Variants in GTF2A1 observed in about 807,000 individuals in gnomAD.
GTF2A1 encodes the protein transcription initiation factor IIA subunit 1.
GTF2A1 carries 12 observed loss-of-function variants against 54.1 expected under a neutral mutation model. That is an observed-to-expected ratio of 0.22 (90% CI 0.14 to 0.36). The LOEUF is 0.36. Among genes scored for constraint, GTF2A1 ranks in the 10% least tolerant of loss-of-function variants. GTF2A1 has a pLI of 1.00. For synonymous variants in GTF2A1, 145 were observed against 152.0 expected, an observed-to-expected ratio of 0.95 and a Z score of 0.34; for missense variants, 335 against 442.2, an observed-to-expected ratio of 0.76 and a Z score of 2.17.
rs75226412 is a variant in GTF2A1 at position 81,196,671 on chromosome 14, T to C, written c.479-430A>G. 9.8e-4 allele frequency among the ~76,000 whole-genome samples: 150 copies of C among 152,288 alleles called. 3 individuals carry two copies. In the East Asian group the frequency reaches 0.024, roughly 25 times the overall value. On this transcript the variant is annotated intron_variant, in intron 5 of 8. Coordinates refer to ENST00000553612, the MANE Select transcript of GTF2A1 (RefSeq NM_015859.4). Reference sequence around the variant, plus strand: ...GAACCAAACAAAGCACCAAAGAACTTTGCTTCAAAATTGGTAAAAGCAATA... The same window carrying C: ...GAACCAAACAAAGCACCAAAGAACTCTGCTTCAAAATTGGTAAAAGCAATA...
chr14:81,178,284 A>G lies in GTF2A1; in HGVS notation c.*1939T>C, dbSNP rs2140142421. 6.6e-6 allele frequency: 1 copy of G among 152,248 alleles called. No individual in the cohort carries two copies. Among genetic ancestry groups the G allele is most frequent in the South Asian group, 2.1e-4 (1 of 4,830 alleles). 9.4% of individuals were successfully genotyped at this position (152,248 alleles called of 1,614,324 possible). ...CAGGTCACTGACTTCCTTACTGAGT[A>G]AATACAAACCTACTAGCAACTATAT... is the stretch of plus-strand genomic sequence containing the variant. On this transcript the variant is annotated 3_prime_UTR_variant, in exon 9 of 9. Coordinates refer to ENST00000553612, the MANE Select transcript of GTF2A1 (RefSeq NM_015859.4).
chr14:81,220,696 G>A lies in GTF2A1; in HGVS notation c.-178C>T, dbSNP rs557504996. The A allele has an allele frequency of 7.5e-6, 3 of 401,298 alleles. No homozygotes were observed. The highest frequency in any genetic ancestry group is 7.7e-5 in the South Asian group (1 of 13,018). The allele number at this position is 401,298 out of a possible 1,614,324, so 24.9% of individuals were successfully genotyped here. A position where few individuals can be genotyped will look rare whatever the true frequency, so the allele number is the denominator to read the frequency against. ...GGGAGAGCGGAGAGAGGAGGAGGAG[G>A]GGGGCACTCCTCCCGCAGCTGAAAA... On this transcript the variant is annotated 5_prime_UTR_variant, in exon 1 of 9. Coordinates refer to ENST00000553612, the MANE Select transcript of GTF2A1 (RefSeq NM_015859.4).
chr14:81,211,906 T>A (rs1053335034), intron 2 of GTF2A1, among the ~76,000 whole-genome samples: 6 of 140,806 alleles, frequency 4.3e-5, no homozygotes, highest in African/African-American at 1.6e-4. Context: ...TATATATATA[T>A]ATAACTAGAG....
At chr14:81,209,864 A>G in intron 2 of GTF2A1, 1 of 1,209,944 alleles carries the variant, frequency 8.3e-7, no homozygotes, top group Non-Finnish European at 1.1e-6. Context: ...TCTATTTTGT[A>G]CTTACCACAC....
intron 1 of GTF2A1, among the ~76,000 whole-genome samples, chr14:81,216,789 CTAATG>C (rs1317036641): frequency 6.6e-6 from 1 of 152,102 alleles, no homozygotes; most frequent in Non-Finnish European, 1.5e-5. Context: ...GTCAAAATAC[CTAATG>C]TAATGTTCAA....
Position 81,185,533 on chromosome 14 carries a change from TATC to T in GTF2A1, c.1018_1020del (p.Asp340del). On this transcript the variant is annotated inframe_deletion, in exon 8 of 9. Coordinates refer to ENST00000553612, the MANE Select transcript of GTF2A1 (RefSeq NM_015859.4). ...TAATCTGAAGATGACATCCTTACCT[TATC>T]ATATTGGCATACAACAACATTTTCT... 6.7e-7 allele frequency: 1 copy of T among 1,492,370 alleles called. No individual in the cohort carries two copies. Among genetic ancestry groups the T allele is most frequent in the Non-Finnish European group, 9.4e-7 (1 of 1,069,356 alleles). 92.4% of individuals were successfully genotyped at this position (1,492,370 alleles called of 1,614,324 possible).
At chr14:81,197,751 G>A (rs1893021191) in intron 4 of GTF2A1, among the ~76,000 whole-genome samples, 1 of 152,178 alleles carries the variant, frequency 6.6e-6, no homozygotes, top group Admixed American at 6.5e-5. Flanking sequence ...CACAGGTACT[G>A]CAGTTTTTTT....
At chr14:81,220,206 C>A (rs1409015116) in intron 1 of GTF2A1, among the ~76,000 whole-genome samples, 2 of 145,880 alleles carry the variant, frequency 1.4e-5, no homozygotes, top group African/African-American at 4.9e-5. Context: ...GGGCTGCGCG[C>A]CCGACCGGGC....
intron 1 of GTF2A1, among the ~76,000 whole-genome samples, chr14:81,217,074 A>T (rs950237720): frequency 6.6e-6 from 1 of 152,238 alleles, no homozygotes; most frequent in Non-Finnish European, 1.5e-5. Context: ...CCCAAGGAAC[A>T]AGGTATACTG....
In GTF2A1 at chr14:81,202,678, T is replaced by G. The variant is rs776267609; in HGVS notation, c.338-1020A>C. On this transcript the variant is annotated intron_variant, in intron 3 of 8. Coordinates refer to ENST00000553612, the MANE Select transcript of GTF2A1 (RefSeq NM_015859.4). The stretch of plus-strand genomic sequence containing the variant: ...AATCAGAAATAATGGCAATGTTACT[T>G]AAGCGTAAAAGGAATTACATGTTTG... 5.8e-5 allele frequency: 30 copies of G among 517,476 alleles called. No homozygotes were observed. In the East Asian group the frequency reaches 1.5e-3, roughly 26 times the overall value. 32.1% of individuals were successfully genotyped at this position (517,476 alleles called of 1,614,324 possible).
In GTF2A1 at chr14:81,216,477, T is replaced by C. The variant is rs1326970667; in HGVS notation, c.68A>G (p.Asn23Ser). The C allele has an allele frequency of 6.5e-7, 1 of 1,538,340 alleles. No individual in the cohort carries two copies. The highest frequency in any genetic ancestry group is 9.0e-7 in the Non-Finnish European group (1 of 1,111,250). The change falls in exon 2 of 9, where the codon AAT becomes AGT. Residue 23 changes from asparagine to serine, a missense_variant. Around this residue, in one of 2 missense-constraint regions of GTF2A1, gnomAD observed 306 missense variants for 360.4 expected, o/e 0.85. Transcript: ENST00000553612. ...ATCCAGAAAGATGTCTCTCACATCA[T>C]TAATGACATCTTCAATCACAGATCT... Reference protein sequence around the residue: ...LYRSVIEDVINDVRDIFLDDG... With the variant: ...LYRSVIEDVISDVRDIFLDDG...
chr14:81,177,543 T>G lies in GTF2A1; in HGVS notation c.*2680A>C, dbSNP rs1892554439. The G allele has an allele frequency of 6.6e-6, 1 of 152,264 alleles. No individual in the cohort carries two copies. The highest frequency in any genetic ancestry group is 1.5e-5 in the Non-Finnish European group (1 of 67,956). The allele number at this position is 152,264 out of a possible 1,614,324, so 9.4% of individuals were successfully genotyped here. On this transcript the variant is annotated 3_prime_UTR_variant, in exon 9 of 9. Coordinates refer to ENST00000553612, the MANE Select transcript of GTF2A1 (RefSeq NM_015859.4). The stretch of plus-strand genomic sequence containing the variant: ...TTTCCTTAGCACTGTTGATTAATGT[T>G]AATTTAAGTAAAAGGTGCCATCGCC...
intron 7 of GTF2A1, 25 bp downstream of exon 7, chr14:81,192,489 ATTATT>A: frequency 6.5e-7 from 1 of 1,530,530 alleles, no homozygotes; most frequent in Non-Finnish European, 8.9e-7. Context: ...AATCAAGTAG[ATTATT>A]TTAAGTATGT....
At chr14:81,199,347 A>T (rs1303186206) in intron 4 of GTF2A1, among the ~76,000 whole-genome samples, 1 of 152,172 alleles carries the variant, frequency 6.6e-6, no homozygotes, top group Non-Finnish European at 1.5e-5. Context: ...TTCTTCTTGT[A>T]TTCCACAAAA....
chr14:81,208,341 C>T (rs1893287507), intron 2 of GTF2A1, among the ~76,000 whole-genome samples: 1 of 152,202 alleles, frequency 6.6e-6, no homozygotes, highest in Non-Finnish European at 1.5e-5. Context: ...GTTGAGCCTG[C>T]AGGTGCACAG....
In GTF2A1 at chr14:81,220,478, C is replaced by T; in HGVS notation, c.30+11G>A. 1 of 1,566,302 alleles carries T rather than the reference C, an allele frequency of 6.4e-7. No individual in the cohort carries two copies. The highest frequency in any genetic ancestry group is 8.7e-7 in the Non-Finnish European group (1 of 1,154,936). ...ACGAAGCCCCCGCCGGCCACCGAAC[C>T]ACGTCCTTACCACGGTGTTTGTATT... On this transcript the variant is annotated intron_variant, in intron 1 of 8. Transcript: ENST00000553612.
rs1232592639 is a variant in GTF2A1 at position 81,220,587 on chromosome 14, A to C, written c.-69T>G. ...AAGATAAAAACAAAACCAAAAAAAA[A>C]AAAACTATAACACCCGGAGGGTGAC... On this transcript the variant is annotated 5_prime_UTR_variant, in exon 1 of 9. Transcript: ENST00000553612. The C allele has an allele frequency of 1.5e-6, 2 of 1,290,962 alleles. No individual in the cohort carries two copies. The highest frequency in any genetic ancestry group is 2.1e-6 in the Non-Finnish European group (2 of 954,504). 80.0% of individuals were successfully genotyped at this position (1,290,962 alleles called of 1,614,324 possible).
chr14:81,180,334 A>G lies in GTF2A1; in HGVS notation c.1024-4T>C. 1 of 1,145,102 alleles carries G rather than the reference A, an allele frequency of 8.7e-7. No individual in the cohort carries two copies. Among genetic ancestry groups the G allele is most frequent in the Non-Finnish European group, 1.3e-6 (1 of 768,768 alleles). 70.9% of individuals were successfully genotyped at this position (1,145,102 alleles called of 1,614,324 possible). A position where few individuals can be genotyped will look rare whatever the true frequency, so the allele number is the denominator to read the frequency against. The stretch of plus-strand genomic sequence containing the variant: ...ATTTGTTTTTACTTCTGTGTATCTA[A>G]ACAAAAACAACATTTTAAAAATTGA... On this transcript the variant is annotated splice_region_variant and splice_polypyrimidine_tract_variant and intron_variant, in intron 8 of 8. Coordinates refer to ENST00000553612, the MANE Select transcript of GTF2A1 (RefSeq NM_015859.4).
In GTF2A1 at chr14:81,196,102, T is replaced by C. The variant is rs374694681; in HGVS notation, c.612+6A>G. ...CCATACTGATCATAATAGAAGATTA[T>C]TTTACCTGCTGTATAACAGGAGCTT... On this transcript the variant is annotated splice_donor_region_variant and intron_variant, in intron 6 of 8. Transcript: ENST00000553612. 2.0e-5 allele frequency: 32 copies of C among 1,612,846 alleles called. No individual in the cohort carries two copies. The African/African-American group carries it at 4.3e-4, about 22-fold the overall frequency.
Sources: gnomAD v4.1 joint callset for allele counts (sites outside exome capture counted in the v4.1 genomes callset) on GRCh38, gnomAD v4.1.1 for gene constraint, gnomAD v4.1.1 regional missense constraint, MANE v1.5 for transcripts, NCBI Gene and HGNC (gene_info 2026-07-23, HGNC 2026-07-21) for gene names.